The following PARD3B variants were observed in gnomAD, a reference collection of about 807,000 sequenced individuals.
The protein encoded by PARD3B is partitioning defective 3 homolog B.
In PARD3B, 103 loss-of-function variants were observed where a neutral mutation model predicts 130.2. That is an observed-to-expected ratio of 0.79 (90% CI 0.67 to 0.93). The LOEUF (loss-of-function observed/expected upper bound fraction) is 0.93. Among genes scored for constraint, PARD3B ranks in the 40% least tolerant of loss-of-function variants. The pLI is 0.00. For synonymous variants in PARD3B, 583 were observed against 553.2 expected, an observed-to-expected ratio of 1.05 and a Z score of -0.76; for missense variants, 1,609 against 1,499.2, an observed-to-expected ratio of 1.07 and a Z score of -1.21.
intron 18 of PARD3B, among the ~76,000 whole-genome samples, chr2:205,306,054 G>A (rs1411117364): frequency 1.3e-5 from 2 of 152,178 alleles, no homozygotes; most frequent in Non-Finnish European, 2.9e-5. Flanking sequence ...GAGCCTTAAA[G>A]TAAAAGAAGA....
At chr2:204,808,255 T>G (rs955970884) in intron 2 of PARD3B, among the ~76,000 whole-genome samples, 29 of 152,224 alleles carry the variant, frequency 1.9e-4, no homozygotes, top group Non-Finnish European at 2.4e-4. Flanking sequence ...TACCTAAGAG[T>G]GAAATCACTT....
rs145692256 is a variant in PARD3B, at chr2:205,199,494, TACACACGC to T, written c.2140+6190_2140+6197del. ...ACATACACACACACACACATATATA[TACACACGC>T]ACACACGCACACACGTAGTAAAAAT... On this transcript the variant is annotated intron_variant, in intron 15 of 22. Transcript: ENST00000406610. Among the ~76,000 whole-genome samples the T allele has an allele frequency of 8.7e-3, 1,322 of 152,078 alleles. 19 individuals are homozygous for T. The highest frequency in any genetic ancestry group is 0.022 in the South Asian group (105 of 4,812).
At chr2:205,012,936 C>T (rs1006097111) in intron 3 of PARD3B, among the ~76,000 whole-genome samples, 1 of 152,220 alleles carries the variant, frequency 6.6e-6, no homozygotes, top group Non-Finnish European at 1.5e-5. Flanking sequence ...CAAAATACAG[C>T]ATTTCTAAAA....
chr2:204,576,467 A>G (rs1238358660), intron 1 of PARD3B, among the ~76,000 whole-genome samples: 1 of 152,210 alleles, frequency 6.6e-6, no homozygotes, highest in East Asian at 1.9e-4. Context: ...TTTCCAGTTA[A>G]AAATGATAAC....
rs59827121 is a variant in PARD3B, at chr2:205,291,734, G to A, written c.2186-8796G>A. On this transcript the variant is annotated intron_variant, in intron 16 of 22. Coordinates refer to ENST00000406610, the MANE Select transcript of PARD3B (RefSeq NM_001302769.2). The surrounding 1 kb of genome is among the most constrained non-coding windows in gnomAD (Gnocchi z 4.6). Reference sequence around the variant, plus strand: ...GATGGAATTGTCCATCAAAAAGGAAGCAGAGCTTAAAGACTTAGGTAATTC... The same window carrying A: ...GATGGAATTGTCCATCAAAAAGGAAACAGAGCTTAAAGACTTAGGTAATTC... 0.033 allele frequency among the ~76,000 whole-genome samples: 4,978 copies of A among 152,306 alleles called. 234 individuals carry two copies. The highest frequency in any genetic ancestry group is 0.11 in the African/African-American group (4,528 of 41,554).
chr2:205,450,457 G>A (rs995340142), intron 20 of PARD3B, among the ~76,000 whole-genome samples: 4 of 144,574 alleles, frequency 2.8e-5, no homozygotes, highest in African/African-American at 1.0e-4. Flanking sequence ...AAAAATTTAA[G>A]TGCAGATTCT....
In PARD3B at chr2:205,589,634, A is replaced by G. The variant is rs1277118134; in HGVS notation, c.3261-25822A>G. On this transcript the variant is annotated intron_variant, in intron 22 of 22. Transcript: ENST00000406610. This position sits in a 1 kb window ranked among gnomAD's most constrained non-coding sequence, Gnocchi z 4.1. ...TTGTCTTGGCATGTTTTCTATTTATATAACTAATTGCAAATTAATTGCACC... is the reference window on the plus strand; with the variant it reads ...TTGTCTTGGCATGTTTTCTATTTATGTAACTAATTGCAAATTAATTGCACC... Among the ~76,000 whole-genome samples, 1 of 152,208 alleles carries G rather than the reference A, an allele frequency of 6.6e-6. No homozygotes were observed. The highest frequency in any genetic ancestry group is 1.5e-5 in the Non-Finnish European group (1 of 68,034).
chr2:204,852,787 C>A (rs2044761874), intron 2 of PARD3B, among the ~76,000 whole-genome samples: 1 of 151,984 alleles, frequency 6.6e-6, no homozygotes, highest in Admixed American at 6.6e-5. Flanking sequence ...AGTAACTCAG[C>A]TAAAATTTAT....
intron 2 of PARD3B, among the ~76,000 whole-genome samples, chr2:204,751,445 A>G (rs377513082): frequency 2.6e-5 from 4 of 152,230 alleles, no homozygotes; most frequent in African/African-American, 9.6e-5. Flanking sequence ...TTTAACTTCA[A>G]GGTACACACT....
chr2:205,175,853 ATG>A (rs761536506), intron 12 of PARD3B, among the ~76,000 whole-genome samples: 1 of 152,082 alleles, frequency 6.6e-6, no homozygotes, highest in Non-Finnish European at 1.5e-5. Context: ...AAAACTGTGA[ATG>A]TGTTTACAGA....
intron 19 of PARD3B, among the ~76,000 whole-genome samples, chr2:205,409,072 T>C (rs1387493364): frequency 6.6e-6 from 1 of 152,158 alleles, no homozygotes; most frequent in African/African-American, 2.4e-5. Flanking sequence ...TGCATGGAAG[T>C]TATGAAAAAT....
At position 204,545,926 on chromosome 2, in the gene PARD3B, T is replaced by G. The variant is rs1241006340; in HGVS notation, c.-74T>G. ...CTGGGCCCACCCGCCCCGGGCGTCC[T>G]CCGAGAGTGGGGGCTGCGCCCGCGG... On this transcript the variant is annotated 5_prime_UTR_variant, in exon 1 of 23. Transcript: ENST00000406610. The G allele has an allele frequency of 4.2e-6, 6 of 1,435,392 alleles. No individual in the cohort carries two copies. Among genetic ancestry groups the G allele is most frequent in the Non-Finnish European group, 5.5e-6 (6 of 1,096,386 alleles). 88.9% of individuals were successfully genotyped at this position (1,435,392 alleles called of 1,614,324 possible).
intron 4 of PARD3B, among the ~76,000 whole-genome samples, chr2:205,073,432 A>C (rs1700861471): frequency 1.3e-5 from 2 of 152,202 alleles, no homozygotes; most frequent in African/African-American, 2.4e-5. Flanking sequence ...CTGAAATAAA[A>C]TTAAATGGAA....
At chr2:205,197,754 A>G (rs1280499138) in intron 15 of PARD3B, among the ~76,000 whole-genome samples, 2 of 152,214 alleles carry the variant, frequency 1.3e-5, no homozygotes, top group African/African-American at 4.8e-5. Context: ...GAGAAAATCA[A>G]TCTTTTCCTA....
chr2:205,188,408 G>A (rs547394134), intron 14 of PARD3B, among the ~76,000 whole-genome samples: 5 of 152,278 alleles, frequency 3.3e-5, no homozygotes, highest in Admixed American at 2.6e-4. Context: ...GCATTGAAGC[G>A]CTTTGAGCCT....
intron 2 of PARD3B, among the ~76,000 whole-genome samples, chr2:204,850,328 A>G (rs1399046481): frequency 6.6e-6 from 1 of 150,876 alleles, no homozygotes; most frequent in Non-Finnish European, 1.5e-5. Flanking sequence ...TCCAAAAGAG[A>G]AGAAGTAATT....
At chr2:205,069,362 A>G (rs1337994925) in intron 4 of PARD3B, among the ~76,000 whole-genome samples, 1 of 152,064 alleles carries the variant, frequency 6.6e-6, no homozygotes, top group Non-Finnish European at 1.5e-5. Flanking sequence ...GGGCATATAG[A>G]TAGATTGTAT....
chr2:204,651,231 A>C (rs2035465921), intron 1 of PARD3B, among the ~76,000 whole-genome samples: 1 of 152,222 alleles, frequency 6.6e-6, no homozygotes, highest in Non-Finnish European at 1.5e-5. Context: ...GAGACAAGAC[A>C]AGTCCCTTCC....
chr2:204,676,919 C>T (rs749330940), intron 1 of PARD3B, among the ~76,000 whole-genome samples: 2 of 152,108 alleles, frequency 1.3e-5, no homozygotes, highest in Non-Finnish European at 2.9e-5. Flanking sequence ...CCACCCACCT[C>T]GGCCTCCCAA....
Sources: gnomAD v4.1 joint callset for allele counts (sites outside exome capture counted in the v4.1 genomes callset) on GRCh38, gnomAD v4.1.1 for gene constraint, Gnocchi (gnomAD v3.1) non-coding constraint, MANE v1.5 for transcripts, NCBI Gene and HGNC (gene_info 2026-07-23, HGNC 2026-07-21) for gene names.